STS: variants seen among roughly 807,000 people sequenced by gnomAD.
STS encodes the protein steroid sulfatase, also known as steryl-sulfatase.
Under a neutral mutation model 26.8 loss-of-function variants are expected in STS, and 7 were observed. The ratio of observed to expected loss-of-function variants is 0.26; its 90% CI spans 0.15 to 0.49. STS has a LOEUF of 0.49. Among genes scored for constraint, STS ranks in the 20% least tolerant of loss-of-function variants. The probability of loss-of-function intolerance (pLI) is 0.98; values close to 1 mark genes in which losing one functional copy is unlikely to be tolerated. For missense variants in STS, 434 were observed against 465.6 expected (o/e 0.93, Z 0.63); for synonymous variants, 199 against 189.4 (o/e 1.05, Z -0.42).
At chrX:7,249,527 G>T (rs753689338) in intron 2 of STS, among the ~76,000 whole-genome samples, 6 of 111,684 alleles carry the variant, frequency 5.4e-5, no homozygotes, top group Non-Finnish European at 1.1e-4. Context: ...GGAACAGGAG[G>T]CATCACTACA....
chrX:7,350,148 C>T lies in STS; in HGVS notation c.1624C>T (p.Gln542Ter). 1 of 1,212,002 alleles carries T rather than the reference C, an allele frequency of 8.3e-7. No individual in the cohort carries two copies. Among genetic ancestry groups the T allele is most frequent in the Non-Finnish European group, 1.1e-6 (1 of 895,420 alleles). The change falls in exon 11 of 11, where the codon CAG (glutamine) becomes TAG (stop). Residue 542 changes from glutamine to a stop codon, truncating the protein, a stop_gained. Transcript: ENST00000674429. LOFTEE classifies it low-confidence loss of function (END_TRUNC). ...CCAGACCCTGCCAGAGGTGCCCGAT[C>T]AGTTTTCATGGAACAACTTTCTTTG... ...HTQTLPEVPD[Q>*]FSWNNFLWKP...
intron 1 of STS, among the ~76,000 whole-genome samples, chrX:7,164,948 T>A (rs1933321168): frequency 9.1e-6 from 1 of 109,426 alleles, no homozygotes; most frequent in Non-Finnish European, 1.9e-5. Context: ...ACAGCTTGAG[T>A]CTGGCAGGTT....
intron 10 of STS, among the ~76,000 whole-genome samples, chrX:7,338,254 G>A (rs1219913312): frequency 9.0e-6 from 1 of 111,675 alleles, no homozygotes; most frequent in Admixed American, 9.6e-5. Context: ...GGATGGAATT[G>A]ATCTTAGAGG....
intron 2 of STS, among the ~76,000 whole-genome samples, chrX:7,230,082 C>G (rs182099498): frequency 1.8e-5 from 2 of 110,104 alleles, no homozygotes; most frequent in Admixed American, 1.9e-4. Context: ...GAGATGGGGT[C>G]TTTCTATGTT....
At chrX:7,234,885 T>C (rs975924032) in intron 2 of STS, among the ~76,000 whole-genome samples, 5 of 111,836 alleles carry the variant, frequency 4.5e-5, no homozygotes, top group Non-Finnish European at 9.4e-5. Flanking sequence ...CTATTACCAA[T>C]GAAGAGATCA....
At chrX:7,311,684 C>CA (rs1466204728) in intron 8 of STS, among the ~76,000 whole-genome samples, 7 of 110,802 alleles carry the variant, frequency 6.3e-5, no homozygotes, top group Non-Finnish European at 1.3e-4. Flanking sequence ...CTTGTCTCTA[C>CA]AAAAAACATG....
At chrX:7,159,475 C>T (rs1392654946) in intron 1 of STS, among the ~76,000 whole-genome samples, 3 of 112,304 alleles carry the variant, frequency 2.7e-5, no homozygotes, top group South Asian at 3.7e-4. Context: ...CCTAAAACCA[C>T]GTCCTATGTT....
At chrX:7,341,228 A>G (rs1343980676) in intron 10 of STS, among the ~76,000 whole-genome samples, 2 of 111,797 alleles carry the variant, frequency 1.8e-5, no homozygotes, top group Non-Finnish European at 3.8e-5. Flanking sequence ...TTCCCCTAAG[A>G]CAATATGTTC....
At chrX:7,200,980 G>GGATA (rs1398886752) in intron 2 of STS, among the ~76,000 whole-genome samples, 1 of 110,918 alleles carries the variant, frequency 9.0e-6, no homozygotes, top group Non-Finnish European at 1.9e-5. Context: ...ATGGATGGAT[G>GGATA]GATGGATGAT....
At chrX:7,308,376 A>G (rs750188373) in intron 8 of STS, among the ~76,000 whole-genome samples, 1 of 112,159 alleles carries the variant, frequency 8.9e-6, no homozygotes, top group African/African-American at 3.2e-5. Flanking sequence ...AAAGTTACCT[A>G]TGGAAGGCTA....
chrX:7,290,848 G>A (rs1195134157), intron 7 of STS, among the ~76,000 whole-genome samples: 1 of 111,787 alleles, frequency 8.9e-6, no homozygotes, highest in African/African-American at 3.3e-5. Flanking sequence ...AGTGCCTTCG[G>A]TGTATTAAGC....
intron 1 of STS, among the ~76,000 whole-genome samples, chrX:7,154,671 G>A (rs1261690960): frequency 9.0e-6 from 1 of 111,623 alleles, no homozygotes; most frequent in Non-Finnish European, 1.9e-5. Flanking sequence ...AGAGCCAAAA[G>A]GCAAAAACTA....
intron 2 of STS, among the ~76,000 whole-genome samples, chrX:7,218,536 A>G (rs1921405905): frequency 8.9e-6 from 1 of 112,448 alleles, no homozygotes; most frequent in Non-Finnish European, 1.9e-5. Flanking sequence ...TGCTAAGAAT[A>G]TAGACATCGC....
chrX:7,161,910 C>T (rs1601621626), intron 1 of STS, among the ~76,000 whole-genome samples: 2 of 111,090 alleles, frequency 1.8e-5, no homozygotes, highest in African/African-American at 6.6e-5. Flanking sequence ...TGAGAAATTG[C>T]CCCATATTCA....
At chrX:7,227,463 T>TA (rs1921865928) in intron 2 of STS, among the ~76,000 whole-genome samples, 1 of 109,764 alleles carries the variant, frequency 9.1e-6, no homozygotes, top group Admixed American at 9.8e-5. Flanking sequence ...TTTTTTTTTT[T>TA]ATAAAAGCAA....
Position 7,269,444 on chromosome X carries a change from T to C in STS, c.807-6507T>C, listed in dbSNP as rs184840190. Among the ~76,000 whole-genome samples the C allele has an allele frequency of 2.5e-4, 27 of 108,186 alleles. No homozygotes were observed. The East Asian group carries it at 6.1e-3, about 25-fold the overall frequency. The allele number at this position is 108,186 out of a possible 115,157, so 93.9% of individuals were successfully genotyped here. ...AAACACTGTCATGCTATGTGAACCATTGAAAGCTACCTCTTTCTGGGAGCA... is the reference window on the plus strand; with the variant it reads ...AAACACTGTCATGCTATGTGAACCACTGAAAGCTACCTCTTTCTGGGAGCA... On this transcript the variant is annotated intron_variant, in intron 6 of 10. Coordinates refer to ENST00000674429, the MANE Select transcript of STS (RefSeq NM_001320752.2).
chrX:7,259,279 A>G, intron 5 of STS, 70 bp from the exon 6 acceptor site: 3 of 1,040,417 alleles, frequency 2.9e-6, no homozygotes, highest in Non-Finnish European at 2.7e-6. Flanking sequence ...TTCAGCATGT[A>G]GGAACAGAAG....
intron 1 of STS, among the ~76,000 whole-genome samples, chrX:7,190,233 C>T (rs1933848342): frequency 9.1e-6 from 1 of 109,621 alleles, no homozygotes; most frequent in Middle Eastern, 4.6e-3. Flanking sequence ...GAGACAGTGA[C>T]AGATCATCAG....
intron 2 of STS, among the ~76,000 whole-genome samples, chrX:7,204,215 GTTTAA>G (rs1360845424): frequency 2.7e-5 from 3 of 111,668 alleles, no homozygotes; most frequent in East Asian, 5.6e-4. Context: ...ATATTCTAGT[GTTTAA>G]TTTATTTTTT....
Sources: gnomAD v4.1 joint callset for allele counts (sites outside exome capture counted in the v4.1 genomes callset) on GRCh38, gnomAD v4.1.1 for gene constraint, MANE v1.5 for transcripts, NCBI Gene and HGNC (gene_info 2026-07-23, HGNC 2026-07-21) for gene names.